SCHIP1: variants seen among roughly 807,000 people sequenced by gnomAD.
The protein encoded by SCHIP1 is schwannomin interacting protein 1, also known as schwannomin-interacting protein 1.
In SCHIP1, 8 loss-of-function variants were observed where a neutral mutation model predicts 29.7. That is an observed-to-expected ratio of 0.27 (90% CI 0.16 to 0.49). The LOEUF is 0.49. SCHIP1 is among the 20% of genes least tolerant of loss of function. The probability of loss-of-function intolerance (pLI) is 0.99; values close to 1 mark genes in which losing one functional copy is unlikely to be tolerated. For synonymous variants in SCHIP1, 76 were observed against 94.9 expected (o/e 0.80, Z 1.16); for missense variants, 193 against 294.6 (o/e 0.66, Z 2.52).
chr3:159,768,519 GA>G, the SCHIP1 span: 1 of 152,230 alleles, frequency 6.6e-6, no homozygotes, highest in South Asian at 2.1e-4. Flanking sequence ...ATAAGATTGA[GA>G]GGCAAATTTA....
At chr3:159,450,807 CT>C in the SCHIP1 span, among the ~76,000 whole-genome samples, 3,008 of 123,004 alleles carry the variant, frequency 0.024, 43 homozygotes, top group African/African-American at 0.074. Context: ...ATTTAGTATT[CT>C]TTTTTTTTTT....
the SCHIP1 span, among the ~76,000 whole-genome samples, chr3:159,669,751 C>T: frequency 2.6e-4 from 40 of 152,302 alleles, no homozygotes; most frequent in Middle Eastern, 0.01. Flanking sequence ...ACACTGAACA[C>T]GAAACCTAGG....
chr3:159,786,689 GTGTGTGTC>G, the SCHIP1 span, among the ~76,000 whole-genome samples: 2 of 137,884 alleles, frequency 1.5e-5, no homozygotes, highest in African/African-American at 5.3e-5. Flanking sequence ...GTGTGTGTGT[GTGTGTGTC>G]TGCGCGTGTG....
chr3:159,601,267 G>T, the SCHIP1 span, among the ~76,000 whole-genome samples: 1 of 152,128 alleles, frequency 6.6e-6, no homozygotes, highest in Non-Finnish European at 1.5e-5. Context: ...GTCTTGAGTG[G>T]TATGGGCTGG....
the SCHIP1 span, chr3:159,764,238 A>G: frequency 1.9e-6 from 1 of 524,902 alleles, no homozygotes; most frequent in Non-Finnish European, 3.3e-6. The surrounding 1 kb of genome is among the most constrained non-coding windows in gnomAD (Gnocchi z 6.1). Flanking sequence ...AGTTACCGGC[A>G]GGAAGTCTGG....
chr3:159,592,874 G>T, the SCHIP1 span, among the ~76,000 whole-genome samples: 3 of 152,056 alleles, frequency 2.0e-5, no homozygotes, highest in African/African-American at 7.2e-5. Flanking sequence ...GTCTCTACTG[G>T]CCCCTCTGCT....
At chr3:159,793,957 T>C in the SCHIP1 span, among the ~76,000 whole-genome samples, 3 of 152,204 alleles carry the variant, frequency 2.0e-5, no homozygotes, top group African/African-American at 7.2e-5. Flanking sequence ...GTTTCCTCTA[T>C]GACTCTCCTT....
the SCHIP1 span, among the ~76,000 whole-genome samples, chr3:159,291,784 C>A: frequency 3.9e-5 from 6 of 151,950 alleles, no homozygotes; most frequent in Non-Finnish European, 7.4e-5. Context: ...GGTGAAGGAT[C>A]TAGTTAAATG....
At chr3:159,491,953 G>A in the SCHIP1 span, among the ~76,000 whole-genome samples, 1 of 152,192 alleles carries the variant, frequency 6.6e-6, no homozygotes, top group African/African-American at 2.4e-5. Context: ...AGTATTCGCT[G>A]TTCTGCAGTC....
chr3:159,402,161 C>G, the SCHIP1 span, among the ~76,000 whole-genome samples: 1 of 152,080 alleles, frequency 6.6e-6, no homozygotes, highest in Non-Finnish European at 1.5e-5. Flanking sequence ...ATTTATGCAG[C>G]CAAAAAACAC....
the SCHIP1 span, among the ~76,000 whole-genome samples, chr3:159,774,621 G>A: frequency 6.6e-6 from 1 of 152,152 alleles, no homozygotes; most frequent in African/African-American, 2.4e-5. Flanking sequence ...AAAAGATGAT[G>A]TTTAGGCTAG....
At chr3:159,710,407 G>A in the SCHIP1 span, among the ~76,000 whole-genome samples, 6 of 152,148 alleles carry the variant, frequency 3.9e-5, no homozygotes, top group African/African-American at 1.2e-4. Flanking sequence ...CAGGCAGAGC[G>A]AGGGGAAATG....
At chr3:159,717,590 T>G in the SCHIP1 span, among the ~76,000 whole-genome samples, 2 of 152,186 alleles carry the variant, frequency 1.3e-5, no homozygotes, top group Non-Finnish European at 2.9e-5. Context: ...CATCAGAGAA[T>G]ACTATAAACA....
At chr3:159,872,873 A>G (rs1023735939) in intron 2 of SCHIP1, among the ~76,000 whole-genome samples, 3 of 152,164 alleles carry the variant, frequency 2.0e-5, no homozygotes, top group Admixed American at 1.3e-4. Context: ...CTGCTGCATC[A>G]CTATCCCTGA....
the SCHIP1 span, among the ~76,000 whole-genome samples, chr3:159,505,889 G>A: frequency 1.1e-4 from 17 of 152,178 alleles, no homozygotes; most frequent in African/African-American, 4.1e-4. Context: ...CATTTGGGTT[G>A]GTTCCAAGTC....
chr3:159,406,395 T>C, the SCHIP1 span, among the ~76,000 whole-genome samples: 2 of 152,262 alleles, frequency 1.3e-5, no homozygotes, highest in African/African-American at 4.8e-5. Context: ...AAAAATATTC[T>C]TCAAACATCA....
the SCHIP1 span, among the ~76,000 whole-genome samples, chr3:159,525,139 A>C: frequency 6.5e-4 from 99 of 152,338 alleles, no homozygotes; most frequent in East Asian, 0.017. Context: ...ATGTCACATT[A>C]TTAGTGAAAC....
At chr3:159,681,290 G>GA in the SCHIP1 span, among the ~76,000 whole-genome samples, 394 of 129,810 alleles carry the variant, frequency 3.0e-3, no homozygotes, top group Admixed American at 0.013. Flanking sequence ...GAGAAATGGG[G>GA]AAAAAAAAAA....
the SCHIP1 span, among the ~76,000 whole-genome samples, chr3:159,410,299 C>A: frequency 8.9e-4 from 136 of 152,140 alleles, no homozygotes; most frequent in African/African-American, 3.2e-3. Context: ...AGTTAAAAAG[C>A]TTCTGCACAG....
Sources: gnomAD v4.1 joint callset for allele counts (sites outside exome capture counted in the v4.1 genomes callset) on GRCh38, gnomAD v4.1.1 for gene constraint, Gnocchi (gnomAD v3.1) non-coding constraint, MANE v1.5 for transcripts, NCBI Gene and HGNC (gene_info 2026-07-23, HGNC 2026-07-21) for gene names.